CHD6: variants seen among roughly 807,000 people sequenced by gnomAD.
CHD6 encodes the protein chromodomain helicase DNA binding protein 6.
CHD6 carries 50 observed loss-of-function variants against 276.9 expected under a neutral mutation model. The observed-to-expected ratio is 0.18, with a 90% CI of 0.14 to 0.23. CHD6 has a LOEUF of 0.23. CHD6 is among the 10% of genes least tolerant of loss of function. CHD6 has a pLI of 1.00. For synonymous variants in CHD6, 1,173 were observed against 1,229.3 expected (o/e 0.95, Z 0.96); for missense variants, 2,564 against 3,365.8 (o/e 0.76, Z 5.89).
Position 41,403,252 on chromosome 20 carries a change from G to T in CHD6, c.*1341C>A. ...CTTGCAACATTTCCAAGGGTCCTGCGCAGCCCTGCGCCCCCAGAGTACTGA... is the reference window on the plus strand; with the variant it reads ...CTTGCAACATTTCCAAGGGTCCTGCTCAGCCCTGCGCCCCCAGAGTACTGA... On this transcript the variant is annotated 3_prime_UTR_variant, in exon 37 of 37. Coordinates refer to ENST00000373233, the MANE Select transcript of CHD6 (RefSeq NM_032221.5). 1 of 1,061,224 alleles carries T rather than the reference G, an allele frequency of 9.4e-7. No homozygotes were observed. The highest frequency in any genetic ancestry group is 1.1e-6 in the Non-Finnish European group (1 of 876,192). 65.7% of individuals were successfully genotyped at this position (1,061,224 alleles called of 1,614,324 possible). A position where few individuals can be genotyped will look rare whatever the true frequency, so the allele number is the denominator to read the frequency against.
At chr20:41,491,393 T>C (rs1236939625) in intron 11 of CHD6, among the ~76,000 whole-genome samples, 3 of 150,634 alleles carry the variant, frequency 2.0e-5, no homozygotes, top group Non-Finnish European at 1.5e-5. Context: ...GATTTAGAAA[T>C]AGAAAACAGC....
chr20:41,544,903 T>C (rs1196184825), intron 2 of CHD6, among the ~76,000 whole-genome samples: 1 of 152,204 alleles, frequency 6.6e-6, no homozygotes, highest in East Asian at 1.9e-4. Flanking sequence ...CATAAATAAA[T>C]GTACTGGCAA....
chr20:41,450,418 A>C (rs1000006849), intron 23 of CHD6, among the ~76,000 whole-genome samples: 1 of 152,044 alleles, frequency 6.6e-6, no homozygotes, highest in Non-Finnish European at 1.5e-5. Context: ...CAAGTCCCCA[A>C]GACTAAACTA....
At chr20:41,412,516 C>A (rs547293951) in intron 35 of CHD6, among the ~76,000 whole-genome samples, 1 of 152,184 alleles carries the variant, frequency 6.6e-6, no homozygotes, top group African/African-American at 2.4e-5. Flanking sequence ...ACACCTGAGC[C>A]GATTCACCAG....
chr20:41,450,923 G>A (rs367776668), intron 23 of CHD6, 23 bp downstream of exon 23: 2 of 1,601,118 alleles, frequency 1.2e-6, no homozygotes, highest in Non-Finnish European at 1.7e-6. Context: ...TGCCACCAGG[G>A]TATGGGGAGG....
intron 17 of CHD6, among the ~76,000 whole-genome samples, chr20:41,466,436 T>A (rs2042922387): frequency 6.6e-6 from 1 of 152,232 alleles, no homozygotes; most frequent in Non-Finnish European, 1.5e-5. Context: ...GTTTATTCAA[T>A]TAGTCATCTA....
intron 1 of CHD6, among the ~76,000 whole-genome samples, chr20:41,568,828 C>T (rs1337498590): frequency 1.3e-5 from 2 of 152,170 alleles, no homozygotes; most frequent in Non-Finnish European, 2.9e-5. Context: ...GATGCTGCAC[C>T]CTGATGGCTT....
intron 16 of CHD6, among the ~76,000 whole-genome samples, chr20:41,480,144 C>T (rs2043261180): frequency 6.6e-6 from 1 of 152,130 alleles, no homozygotes; most frequent in African/African-American, 2.4e-5. Flanking sequence ...GGTGCTCCAA[C>T]ATGGAATCCA....
In CHD6 at chr20:41,462,799, T is replaced by C. The variant is rs145905710; in HGVS notation, c.2665-5371A>G. 5.4e-4 allele frequency among the ~76,000 whole-genome samples: 82 copies of C among 152,354 alleles called. No individual in the cohort carries two copies. The East Asian group carries it at 0.013, about 24-fold the overall frequency. On this transcript the variant is annotated intron_variant, in intron 17 of 36. Transcript: ENST00000373233. ...AAATGAATGCATATATTTACACATA[T>C]GCATATTTATAGTCTCTCTTTCTGT...
At chr20:41,482,094 A>G (rs1481993570) in intron 16 of CHD6, among the ~76,000 whole-genome samples, 1 of 152,128 alleles carries the variant, frequency 6.6e-6, no homozygotes, top group Non-Finnish European at 1.5e-5. Context: ...AGAGCTAAAT[A>G]AAGACTTCTG....
In CHD6 at chr20:41,587,662, A is replaced by G. The variant is rs1352240030; in HGVS notation, c.-24+30678T>C. 2.0e-5 allele frequency among the ~76,000 whole-genome samples: 3 copies of G among 152,216 alleles called. No homozygotes were observed. The East Asian group carries it at 5.8e-4, about 29-fold the overall frequency. On this transcript the variant is annotated intron_variant, in intron 1 of 36. Coordinates refer to ENST00000373233, the MANE Select transcript of CHD6 (RefSeq NM_032221.5). ...ACACTGAAAACTGACAAGCTTTAAT[A>G]CTCACTTCCCAAAGTAAGTCATAAT...
At position 41,402,525 on chromosome 20, in the gene CHD6, C is replaced by T. The variant is rs898323803; in HGVS notation, c.*2068G>A. On this transcript the variant is annotated 3_prime_UTR_variant, in exon 37 of 37. Transcript: ENST00000373233. ...TCCATACAAAACAACAACAACACAA[C>T]GACAACAAAGAAAACCAGACTCTGC... 6 of 230,404 alleles carry T rather than the reference C, an allele frequency of 2.6e-5. No individual in the cohort carries two copies. The highest frequency in any genetic ancestry group is 1.8e-4 in the East Asian group (3 of 16,278). 14.3% of individuals were successfully genotyped at this position (230,404 alleles called of 1,614,324 possible). A position where few individuals can be genotyped will look rare whatever the true frequency, so the allele number is the denominator to read the frequency against.
intron 23 of CHD6, 148 bp downstream of exon 23, chr20:41,450,798 A>C: frequency 1.3e-6 from 1 of 742,248 alleles, no homozygotes. Flanking sequence ...ATTCTGAGCC[A>C]GCTTAGACCA....
At chr20:41,608,156 G>T (rs1209495382) in intron 1 of CHD6, among the ~76,000 whole-genome samples, 1 of 152,144 alleles carries the variant, frequency 6.6e-6, no homozygotes, top group African/African-American at 2.4e-5. Flanking sequence ...ATAAGCACAT[G>T]TGAAAAACAT....
chr20:41,482,634 A>G (rs16985816), intron 16 of CHD6: 10,036 of 439,324 alleles, frequency 0.023, 911 homozygotes, highest in African/African-American at 0.19. Context: ...CTCATTTGTC[A>G]TCTTCAGATC....
chr20:41,530,394 C>T (rs973044790), intron 3 of CHD6, among the ~76,000 whole-genome samples: 2 of 152,108 alleles, frequency 1.3e-5, no homozygotes, highest in South Asian at 2.1e-4. Context: ...AAATCAGTTG[C>T]GGAGCTAATC....
At chr20:41,555,142 T>C (rs1601136438) in intron 1 of CHD6, among the ~76,000 whole-genome samples, 2 of 129,198 alleles carry the variant, frequency 1.5e-5, no homozygotes, top group African/African-American at 6.1e-5. Context: ...ACGGGGCGGC[T>C]GGCCGGGCAG....
intron 1 of CHD6, among the ~76,000 whole-genome samples, chr20:41,613,622 A>T (rs988657241): frequency 1.8e-4 from 27 of 152,252 alleles, no homozygotes; most frequent in African/African-American, 6.3e-4. Context: ...TGAGACTGCT[A>T]AAGGACAAAA....
chr20:41,461,137 CA>C (rs746134972), intron 17 of CHD6, among the ~76,000 whole-genome samples: 5 of 152,220 alleles, frequency 3.3e-5, no homozygotes, highest in Non-Finnish European at 5.9e-5. Flanking sequence ...TGTATTTACC[CA>C]ATACCTGTAT....
Sources: allele counts gnomAD v4.1 joint callset (sites outside exome capture counted in the v4.1 genomes callset), GRCh38; gene constraint gnomAD v4.1.1; transcripts MANE v1.5; gene names NCBI Gene and HGNC (gene_info 2026-07-23, HGNC 2026-07-21).